DPP3: variants seen among roughly 807,000 people sequenced by gnomAD.
DPP3 encodes the protein DPP III.
A neutral mutation model predicts 89.8 loss-of-function variants in DPP3; 64 were observed. That is an observed-to-expected ratio of 0.71 (90% CI 0.58 to 0.88). The LOEUF (loss-of-function observed/expected upper bound fraction) is 0.88. Ranked by LOEUF, DPP3 falls within the 40% of genes least tolerant of loss-of-function variation. The pLI, the probability that DPP3 is intolerant of heterozygous loss-of-function variation, is 0.00. For missense variants in DPP3, 835 were observed against 972.5 expected, an observed-to-expected ratio of 0.86 and a Z score of 1.88; for synonymous variants, 377 against 404.3, an observed-to-expected ratio of 0.93 and a Z score of 0.81.
intron 15 of DPP3, 77 bp from the exon 16 acceptor site, chr11:66,497,221 G>A: frequency 1.3e-6 from 2 of 1,531,040 alleles, no homozygotes; most frequent in Non-Finnish European, 1.8e-6. Flanking sequence ...CTGGGACCAA[G>A]GACCAAGCCA....
rs1396989598 is a variant in DPP3 at position 66,509,271 on chromosome 11, C to A, written c.*20C>A. The A allele has an allele frequency of 6.3e-7, 1 of 1,591,922 alleles. No individual in the cohort carries two copies. The highest frequency in any genetic ancestry group is 8.6e-7 in the Non-Finnish European group (1 of 1,168,478). On this transcript the variant is annotated 3_prime_UTR_variant, in exon 18 of 18. Transcript: ENST00000531863. ...GCTTGAGGAAGATGTGTGGCCTTGC[C>A]CCCAATTCCATCAGACCAAGGCTGC...
rs781635422 is a variant in DPP3, at chr11:66,491,559, C to T, written c.864C>T (p.Gly288=). ...LAQYIESFTQ[G]SIEAHKRGSR... ...AGTATATAGAGAGCTTCACCCAGGGCTCCATCGAGGCCCACAAGAGGGGCT... is the reference window on the plus strand; with the variant it reads ...AGTATATAGAGAGCTTCACCCAGGGTTCCATCGAGGCCCACAAGAGGGGCT... Residue 288 remains glycine (G), a synonymous_variant, in exon 8 of 18, where the codon GGC becomes GGT. Transcript: ENST00000531863. The T allele has an allele frequency of 1.1e-5, 17 of 1,613,850 alleles. 1 individual carries two copies. Among genetic ancestry groups the T allele is most frequent in the South Asian group, 2.2e-5 (2 of 91,056 alleles).
Position 66,497,279 on chromosome 11 carries a change from C to T in DPP3, c.1699-19C>T, listed in dbSNP as rs200960800. 4.4e-5 allele frequency: 71 copies of T among 1,609,900 alleles called. No homozygotes were observed. The East Asian group carries it at 1.4e-3, about 32-fold the overall frequency. On this transcript the variant is annotated intron_variant, in intron 15 of 17. Transcript: ENST00000531863. ...ACTTGATACGGGCTACAAATGCTGT[C>T]TTTCCCCTGCTCCGGCAGGCCCATA...
intron 12 of DPP3, 34 bp downstream of exon 12, chr11:66,493,667 C>T (rs373803390): frequency 2.5e-6 from 4 of 1,572,936 alleles, no homozygotes; most frequent in African/African-American, 2.7e-5. Flanking sequence ...GGCACCCCAG[C>T]CTACAGCTCC....
rs1855730968 is a variant in DPP3, at chr11:66,503,599, GA to G, written c.1879-1010del. Among the ~76,000 whole-genome samples the G allele has an allele frequency of 3.3e-5, 5 of 152,168 alleles. No homozygotes were observed. In the South Asian group the frequency reaches 8.3e-4, roughly 25 times the overall value. On this transcript the variant is annotated intron_variant, in intron 16 of 17. Coordinates refer to ENST00000531863, the MANE Select transcript of DPP3 (RefSeq NM_130443.4). The stretch of plus-strand genomic sequence containing the variant: ...GAGGCTGGGTGATTTATAAAGAACA[GA>G]AATTGGCCAGGCATGGTGGCTCACG...
chr11:66,496,370 A>C (rs1855535749), intron 15 of DPP3, among the ~76,000 whole-genome samples: 2 of 150,584 alleles, frequency 1.3e-5, no homozygotes, highest in African/African-American at 4.9e-5. Flanking sequence ...CAGCCTCCCG[A>C]GTAGCTGGGA....
intron 1 of DPP3, chr11:66,480,689 G>GC (rs1450591468): frequency 2.2e-6 from 1 of 450,634 alleles, no homozygotes; most frequent in Middle Eastern, 5.4e-4. Context: ...GGAGGCCGGG[G>GC]CAGGGCGAGG....
At position 66,490,777 on chromosome 11, in the gene DPP3, T is replaced by G. The variant is rs200677037; in HGVS notation, c.668-476T>G. On this transcript the variant is annotated intron_variant, in intron 6 of 17. Coordinates refer to ENST00000531863, the MANE Select transcript of DPP3 (RefSeq NM_130443.4). The stretch of plus-strand genomic sequence containing the variant: ...TGTTTTGTTTTTTTTGTTTTGTTTT[T>G]TTTTTTTTTGAGATGGAGTCTCTTC... Among the ~76,000 whole-genome samples, 32 of 103,384 alleles carry G rather than the reference T, an allele frequency of 3.1e-4. 1 individual carries two copies. Among genetic ancestry groups the G allele is most frequent in the South Asian group, 1.3e-3 (4 of 3,140 alleles). The allele number at this position is 103,384 out of a possible 152,430, so 67.8% of individuals were successfully genotyped here. A position where few individuals can be genotyped will look rare whatever the true frequency, so the allele number is the denominator to read the frequency against.
In DPP3 at chr11:66,497,398, A is replaced by G; in HGVS notation, c.1799A>G (p.Asp600Gly). The G allele has an allele frequency of 6.2e-7, 1 of 1,613,974 alleles. No homozygotes were observed. ...ACCACAGGCTCCGATGGGCGCCCAGATGCCCGGGTCCGCCTCGACCGCAGC... is the reference window on the plus strand; with the variant it reads ...ACCACAGGCTCCGATGGGCGCCCAGGTGCCCGGGTCCGCCTCGACCGCAGC... The part of the protein sequence containing the change: ...TPTTGSDGRP[D>G]ARVRLDRSKI... Residue 600 changes from aspartate to glycine, a missense_variant, in exon 16 of 18, where the codon GAT becomes GGT. By Grantham distance (94) the Asp-to-Gly change is moderately conservative. Transcript: ENST00000531863.
Position 66,485,045 on chromosome 11 carries a change from G to A in DPP3, c.271-128G>A, listed in dbSNP as rs2134719383. ...CAGACTGGGGCTTCCCAGGACCTAG[G>A]TCCTGCCCACACATTTCCCAGCCTC... is the stretch of plus-strand genomic sequence containing the variant. On this transcript the variant is annotated intron_variant, in intron 2 of 17. Transcript: ENST00000531863. 4.6e-6 allele frequency: 4 copies of A among 870,122 alleles called. No individual in the cohort carries two copies. The East Asian group carries it at 1.0e-4, about 22-fold the overall frequency. 53.9% of individuals were successfully genotyped at this position (870,122 alleles called of 1,614,324 possible).
rs926406964 is a variant in DPP3 at position 66,494,124 on chromosome 11, G to A, written c.1389+491G>A. 2.6e-5 allele frequency among the ~76,000 whole-genome samples: 4 copies of A among 152,146 alleles called. No individual in the cohort carries two copies. In the East Asian group the frequency reaches 7.7e-4, roughly 29 times the overall value. ...ACCTGGGCTTTTCCGGGTATCGTAGGGAGCCACTTCTCCCCAGAGCAGACC... is the reference window on the plus strand; with the variant it reads ...ACCTGGGCTTTTCCGGGTATCGTAGAGAGCCACTTCTCCCCAGAGCAGACC... On this transcript the variant is annotated intron_variant, in intron 12 of 17. Coordinates refer to ENST00000531863, the MANE Select transcript of DPP3 (RefSeq NM_130443.4).
chr11:66,487,135 C>T, intron 4 of DPP3, 133 bp from the exon 5 acceptor site: 1 of 813,484 alleles, frequency 1.2e-6, no homozygotes, highest in Non-Finnish European at 2.1e-6. Flanking sequence ...ACTTTTTCCC[C>T]TGGAGGTAGA....
At chr11:66,486,832 T>A (rs1192618030) in intron 4 of DPP3, among the ~76,000 whole-genome samples, 155 bp downstream of exon 4, 1 of 152,116 alleles carries the variant, frequency 6.6e-6, no homozygotes, top group Admixed American at 6.5e-5. Context: ...AGTTTTGTCA[T>A]CTGTAGAATG....
chr11:66,496,042 C>T (rs1013119011), intron 15 of DPP3, among the ~76,000 whole-genome samples: 1 of 152,172 alleles, frequency 6.6e-6, no homozygotes, highest in Non-Finnish European at 1.5e-5. Context: ...TAAACGCCCT[C>T]CATGAATTAA....
chr11:66,508,987 G>A, intron 17 of DPP3, 92 bp from the exon 18 acceptor site: 1 of 1,495,224 alleles, frequency 6.7e-7, no homozygotes, highest in East Asian at 2.3e-5. Context: ...AGAAACAGCT[G>A]CTGCTGTAAT....
chr11:66,505,974 GAGT>G (rs929632473), intron 17 of DPP3, among the ~76,000 whole-genome samples: 1 of 152,100 alleles, frequency 6.6e-6, no homozygotes, highest in African/African-American at 2.4e-5. Context: ...TTTTGAGACG[GAGT>G]CTCACTCTGT....
At chr11:66,507,053 C>T (rs1855819202) in intron 17 of DPP3, among the ~76,000 whole-genome samples, 1 of 152,052 alleles carries the variant, frequency 6.6e-6, no homozygotes, top group Non-Finnish European at 1.5e-5. Flanking sequence ...ATCATGCCAG[C>T]CACATGGACA....
chr11:66,507,981 C>T (rs577129187), intron 17 of DPP3, among the ~76,000 whole-genome samples: 3 of 152,086 alleles, frequency 2.0e-5, no homozygotes, highest in Non-Finnish European at 2.9e-5. Context: ...CCAGCCAGGT[C>T]GCTGTAAAAG....
intron 2 of DPP3, 27 bp downstream of exon 2, chr11:66,482,497 T>G: frequency 1.3e-6 from 2 of 1,591,516 alleles, no homozygotes; most frequent in Non-Finnish European, 1.7e-6. Flanking sequence ...CAACCCACAT[T>G]ACCTGAGTGG....
Sources: gnomAD v4.1 joint callset for allele counts (sites outside exome capture counted in the v4.1 genomes callset) on GRCh38, gnomAD v4.1.1 for gene constraint, MANE v1.5 for transcripts, NCBI Gene and HGNC (gene_info 2026-07-23, HGNC 2026-07-21) for gene names.